The following BTBD7 variants were observed in gnomAD, a reference collection of about 807,000 sequenced individuals.
BTBD7 encodes the protein BTB domain containing 7.
BTBD7 carries 38 observed loss-of-function variants against 99.9 expected under a neutral mutation model. The ratio of observed to expected loss-of-function variants is 0.38; its 90% CI spans 0.29 to 0.50. The LOEUF (loss-of-function observed/expected upper bound fraction) is 0.50. Ranked by LOEUF, BTBD7 falls within the 20% of genes least tolerant of loss-of-function variation. BTBD7 has a pLI of 0.93. For missense variants in BTBD7, 1,170 were observed against 1,394.6 expected (o/e 0.84, Z 2.57); for synonymous variants, 520 against 511.4 (o/e 1.02, Z -0.23).
At chr14:93,269,509 G>T (rs2052578489) in intron 3 of BTBD7, among the ~76,000 whole-genome samples, 1 of 152,190 alleles carries the variant, frequency 6.6e-6, no homozygotes, top group Admixed American at 6.5e-5. Flanking sequence ...CACATGCGTA[G>T]ATCAGAATGC....
intron 9 of BTBD7, among the ~76,000 whole-genome samples, chr14:93,247,120 G>C (rs985256220): frequency 2.0e-5 from 3 of 147,942 alleles, no homozygotes; most frequent in Admixed American, 1.3e-4. Flanking sequence ...CTGACCTTCT[G>C]GGCTCAAGTG....
At chr14:93,264,714 A>G (rs2052523465) in intron 3 of BTBD7, among the ~76,000 whole-genome samples, 1 of 152,238 alleles carries the variant, frequency 6.6e-6, no homozygotes, top group Admixed American at 6.5e-5. Flanking sequence ...GAGAATGGCT[A>G]AAGTTGAACA....
chr14:93,246,436 C>A, intron 9 of BTBD7, 150 bp from the exon 10 acceptor site: 1 of 955,432 alleles, frequency 1.0e-6, no homozygotes, highest in Non-Finnish European at 1.5e-6. Context: ...GCCAGAAGCC[C>A]AAGAAAAAAA....
intron 1 of BTBD7, among the ~76,000 whole-genome samples, chr14:93,302,071 G>A (rs976405205): frequency 1.3e-5 from 2 of 152,158 alleles, no homozygotes; most frequent in East Asian, 1.9e-4. Context: ...TCTTGAGTAC[G>A]AGTTAACTGG....
At position 93,251,525 on chromosome 14, in the gene BTBD7, C is replaced by T; in HGVS notation, c.1880G>A (p.Ser627Asn). 6.2e-7 allele frequency: 1 copy of T among 1,613,714 alleles called. No individual in the cohort carries two copies. Among genetic ancestry groups the T allele is most frequent in the African/African-American group, 1.3e-5 (1 of 75,050 alleles). Residue 627 changes from serine to asparagine, a missense_variant, in exon 8 of 11, where the codon AGC (serine) becomes AAC (asparagine). Physicochemically the swap from Ser to Asn is conservative, Grantham distance 46. Around this residue, in one of 4 missense-constraint regions of BTBD7, gnomAD observed 309 missense variants for 342.0 expected, o/e 0.90. Coordinates refer to ENST00000334746, the MANE Select transcript of BTBD7 (RefSeq NM_001002860.4). ...NAVPQCCHMISHQQISSNQSS... is the reference protein window; with the variant it reads ...NAVPQCCHMINHQQISSNQSS... The stretch of plus-strand genomic sequence containing the variant: ...CTGGTTGCTGCTGATCTGCTGGTGG[C>T]TGATCATGTGACAACACTGTGGCAC...
intron 2 of BTBD7, among the ~76,000 whole-genome samples, chr14:93,295,698 C>G (rs1033433961): frequency 6.6e-6 from 1 of 152,180 alleles, no homozygotes; most frequent in Non-Finnish European, 1.5e-5. Context: ...ATGTACTTCG[C>G]TGTTTTAACA....
At chr14:93,284,162 T>C (rs1297827959) in intron 3 of BTBD7, among the ~76,000 whole-genome samples, 4 of 152,232 alleles carry the variant, frequency 2.6e-5, no homozygotes, top group African/African-American at 7.2e-5. Flanking sequence ...GATTAAACTT[T>C]TTTTGGCCTT....
At chr14:93,300,750 GTGTGTGTGTGTGTGTGTGTGTGTA>G (rs1258553555) in intron 1 of BTBD7, among the ~76,000 whole-genome samples, 1,165 of 80,410 alleles carry the variant, frequency 0.014, 73 homozygotes, top group African/African-American at 0.061. Flanking sequence ...GTGTGTGTGT[GTGTGTGTGTGTGTGTGTGTGTGTA>G]TATATATATA....
intron 1 of BTBD7, among the ~76,000 whole-genome samples, chr14:93,306,584 C>T (rs2053073342): frequency 6.6e-6 from 1 of 151,964 alleles, no homozygotes; most frequent in African/African-American, 2.4e-5. Context: ...CAGCATTCTC[C>T]CAAGATAATT....
chr14:93,273,413 C>A (rs773296195), intron 3 of BTBD7, among the ~76,000 whole-genome samples: 1 of 152,102 alleles, frequency 6.6e-6, no homozygotes, highest in Non-Finnish European at 1.5e-5. Context: ...CTGAAAAGAC[C>A]CTATTTCTTG....
At chr14:93,306,658 GGA>G (rs1434889399) in intron 1 of BTBD7, among the ~76,000 whole-genome samples, 1 of 152,066 alleles carries the variant, frequency 6.6e-6, no homozygotes, top group East Asian at 1.9e-4. Context: ...AAAGATAAAT[GGA>G]GAGTCTTAAG....
rs61740740 is a variant in BTBD7, at chr14:93,242,565, C to T, written c.3107G>A (p.Arg1036Gln). Residue 1036 changes from arginine to glutamine, a missense_variant, in exon 11 of 11, where the codon CGG (arginine) becomes CAG (glutamine). Arg to Gln is a conservative substitution (Grantham distance 43). Around this residue, in one of 4 missense-constraint regions of BTBD7, gnomAD observed 495 missense variants for 525.9 expected, o/e 0.94. Coordinates refer to ENST00000334746, the MANE Select transcript of BTBD7 (RefSeq NM_001002860.4). The stretch of plus-strand genomic sequence containing the variant: ...TGGGGCTGCCAAAGGAAAGTCTGAC[C>T]GCTGGGGAGGTTGCTCAACGACATC... ...HLDVVEQPPQ[R>Q]SDFPLAAPEN... 1.3e-5 allele frequency: 21 copies of T among 1,614,064 alleles called. No homozygotes were observed. The highest frequency in any genetic ancestry group is 4.0e-5 in the African/African-American group (3 of 74,914).
Position 93,248,437 on chromosome 14 carries a change from G to GAC in BTBD7, c.2121+38_2121+39insGT. On this transcript the variant is annotated intron_variant, in intron 9 of 10. Transcript: ENST00000334746. ...CCACAATACTGCCTGTCTGGTGACT[G>GAC]AGGCTCCCTATTTTAAACAGTTTAA... 3.1e-6 allele frequency: 5 copies of GAC among 1,597,852 alleles called. No homozygotes were observed. In the South Asian group the frequency reaches 5.6e-5, roughly 18 times the overall value.
At chr14:93,270,831 G>A (rs1180684165) in intron 3 of BTBD7, among the ~76,000 whole-genome samples, 1 of 152,186 alleles carries the variant, frequency 6.6e-6, no homozygotes, top group African/African-American at 2.4e-5. Context: ...TTGGGAGGCT[G>A]GCAGGTAGTA....
chr14:93,328,783 A>T (rs2053363520), intron 1 of BTBD7, among the ~76,000 whole-genome samples: 2 of 152,102 alleles, frequency 1.3e-5, no homozygotes, highest in South Asian at 2.1e-4. Context: ...CCAGGCGTGG[A>T]TGTACGCACC....
Position 93,240,423 on chromosome 14 carries a change from G to A in BTBD7, c.*1850C>T, listed in dbSNP as rs1281093615. ...AACTATAGTTTTGGGAGAAATCAGC[G>A]TTGTTGACACCCAATAGAAAACCTA... On this transcript the variant is annotated 3_prime_UTR_variant, in exon 11 of 11. Transcript: ENST00000334746. 1.3e-5 allele frequency: 2 copies of A among 152,636 alleles called. No individual in the cohort carries two copies. Among genetic ancestry groups the A allele is most frequent in the South Asian group, 2.1e-4 (1 of 4,834 alleles). The allele number at this position is 152,636 out of a possible 1,614,324, so 9.5% of individuals were successfully genotyped here.
Position 93,242,078 on chromosome 14 carries a change from T to C in BTBD7, c.*195A>G, listed in dbSNP as rs1595279742. ...ATTGTTCAAAGACAAATTAGACAGA[T>C]GCAACATTAAAAAAAAAAAACAAAA... On this transcript the variant is annotated 3_prime_UTR_variant, in exon 11 of 11. Transcript: ENST00000334746. 7.1e-6 allele frequency: 4 copies of C among 561,858 alleles called. No individual in the cohort carries two copies. The East Asian group carries it at 8.4e-5, about 12-fold the overall frequency. 34.8% of individuals were successfully genotyped at this position (561,858 alleles called of 1,614,324 possible).
At chr14:93,251,244 C>T (rs1335739528) in intron 8 of BTBD7, among the ~76,000 whole-genome samples, 2 of 152,268 alleles carry the variant, frequency 1.3e-5, no homozygotes, top group East Asian at 3.9e-4. Flanking sequence ...GGCTGAGAAA[C>T]TCAAGGGTAA....
chr14:93,329,768 G>C (rs181585135), intron 1 of BTBD7, among the ~76,000 whole-genome samples: 383 of 152,298 alleles, frequency 2.5e-3, no homozygotes, highest in Non-Finnish European at 4.7e-3. Context: ...CAGTAGAACT[G>C]TGGGTGCCAG....
Sources: allele counts gnomAD v4.1 joint callset (sites outside exome capture counted in the v4.1 genomes callset), GRCh38; gene constraint gnomAD v4.1.1; regional missense constraint gnomAD v4.1.1; transcripts MANE v1.5; gene names NCBI Gene and HGNC (gene_info 2026-07-23, HGNC 2026-07-21).